SGPL1: variants seen among roughly 807,000 people sequenced by gnomAD.
The protein encoded by SGPL1 is sphingosine-1-phosphate lyase 1, also known as SP-lyase 1.
SGPL1 carries 37 observed loss-of-function variants against 68.9 expected under a neutral mutation model. The ratio of observed to expected loss-of-function variants is 0.54; its 90% CI spans 0.41 to 0.71. The LOEUF (loss-of-function observed/expected upper bound fraction) is 0.71. SGPL1 is among the 30% of genes least tolerant of loss of function. The pLI, the probability that SGPL1 is intolerant of heterozygous loss-of-function variation, is 0.00. For synonymous variants in SGPL1, 236 were observed against 248.5 expected, an observed-to-expected ratio of 0.95 and a Z score of 0.47; for missense variants, 551 against 704.6, an observed-to-expected ratio of 0.78 and a Z score of 2.47.
intron 2 of SGPL1, among the ~76,000 whole-genome samples, chr10:70,821,057 A>C (rs1363006484): frequency 1.3e-5 from 2 of 152,178 alleles, no homozygotes; most frequent in East Asian, 3.9e-4. Flanking sequence ...ATCAGCCCTC[A>C]GTGTGTTCCT....
chr10:70,875,200 G>T (rs951423175), intron 12 of SGPL1, among the ~76,000 whole-genome samples: 6 of 152,136 alleles, frequency 3.9e-5, no homozygotes, highest in Admixed American at 3.9e-4. Flanking sequence ...CATTTTTATT[G>T]TTCCATCTAT....
At chr10:70,863,405 A>T (rs36106695) in intron 7 of SGPL1, among the ~76,000 whole-genome samples, 18,047 of 149,944 alleles carry the variant, frequency 0.12, 1,341 homozygotes, top group Non-Finnish European at 0.17. Flanking sequence ...TCTGTGTCTG[A>T]TAATTCCAAT....
chr10:70,833,737 G>A (rs1462731538), intron 2 of SGPL1, among the ~76,000 whole-genome samples: 1 of 152,050 alleles, frequency 6.6e-6, no homozygotes, highest in East Asian at 1.9e-4. Flanking sequence ...CACTCCCTAG[G>A]CTGAGGCTTA....
intron 14 of SGPL1, 149 bp downstream of exon 14, chr10:70,876,810 C>T: frequency 1.4e-6 from 1 of 730,266 alleles, no homozygotes; most frequent in Non-Finnish European, 2.3e-6. Context: ...ATGATCTCTG[C>T]ATCACCCACC....
At chr10:70,818,182 A>G (rs1444244897) in intron 2 of SGPL1, among the ~76,000 whole-genome samples, 3 of 152,170 alleles carry the variant, frequency 2.0e-5, no homozygotes, top group African/African-American at 7.2e-5. Context: ...GTGCAATGGC[A>G]CAATCTCAGC....
chr10:70,850,235 AC>A (rs1845857582), intron 3 of SGPL1, among the ~76,000 whole-genome samples: 1 of 151,840 alleles, frequency 6.6e-6, no homozygotes, highest in Admixed American at 6.6e-5. Context: ...GGCTGGTCTC[AC>A]CCTCCTGTGC....
Position 70,871,983 on chromosome 10 carries a change from T to A in SGPL1, c.1056T>A (p.His352Gln). ...KGVTSISADT[H>Q]KYGYAPKGSS... ...TAACCAGCATTTCAGCTGACACCCA[T>A]AAGGTGAGCTAAGGAGGAGATCAAG... Residue 352 changes from histidine (H) to glutamine (Q), a missense_variant, in exon 11 of 15, where the codon CAT (histidine) becomes CAA (glutamine). Transcript: ENST00000373202. 6.2e-7 allele frequency: 1 copy of A among 1,613,550 alleles called. No homozygotes were observed. Among genetic ancestry groups the A allele is most frequent in the Non-Finnish European group, 8.5e-7 (1 of 1,179,844 alleles).
At chr10:70,874,696 C>CT (rs1436616095) in intron 12 of SGPL1, among the ~76,000 whole-genome samples, 1 of 152,004 alleles carries the variant, frequency 6.6e-6, no homozygotes, top group African/African-American at 2.4e-5. Flanking sequence ...GCACTCAAGC[C>CT]TGGGCAACAA....
chr10:70,827,126 C>T (rs563918106), intron 2 of SGPL1, among the ~76,000 whole-genome samples: 1 of 152,318 alleles, frequency 6.6e-6, no homozygotes, highest in African/African-American at 2.4e-5. Context: ...GAGGCCAATA[C>T]AATTTATACC....
intron 2 of SGPL1, among the ~76,000 whole-genome samples, chr10:70,824,116 G>A (rs1198932557): frequency 6.6e-6 from 1 of 152,008 alleles, no homozygotes; most frequent in African/African-American, 2.4e-5. Flanking sequence ...CATAATCATC[G>A]AACATTTGAA....
At chr10:70,823,568 A>T (rs1404036328) in intron 2 of SGPL1, among the ~76,000 whole-genome samples, 1 of 147,662 alleles carries the variant, frequency 6.8e-6, no homozygotes, top group African/African-American at 2.5e-5. Flanking sequence ...ATATTGAAAA[A>T]AAAAAAAAAA....
chr10:70,863,798 C>G (rs991691142), intron 7 of SGPL1, among the ~76,000 whole-genome samples: 1 of 152,136 alleles, frequency 6.6e-6, no homozygotes, highest in East Asian at 1.9e-4. Flanking sequence ...TTTCTTTTCT[C>G]TTTTGCAGTA....
chr10:70,848,041 A>G (rs570312301), intron 3 of SGPL1, among the ~76,000 whole-genome samples: 1 of 152,296 alleles, frequency 6.6e-6, no homozygotes, highest in Admixed American at 6.5e-5. Context: ...CTCACAGTTT[A>G]TTACTTTTAC....
rs186718161 is a variant in SGPL1, at chr10:70,842,912, C to T, written c.28-1561C>T. On this transcript the variant is annotated intron_variant, in intron 2 of 14. Coordinates refer to ENST00000373202, the MANE Select transcript of SGPL1 (RefSeq NM_003901.4). ...TTTGTATTCAGTATAAATTGTGTGCCGGGCACTCTGCCACATGTTGGGGAT... is the reference window on the plus strand; with the variant it reads ...TTTGTATTCAGTATAAATTGTGTGCTGGGCACTCTGCCACATGTTGGGGAT... Among the ~76,000 whole-genome samples, 13 of 151,598 alleles carry T rather than the reference C, an allele frequency of 8.6e-5. No individual in the cohort carries two copies. In the South Asian group the frequency reaches 1.2e-3, roughly 15 times the overall value.
At chr10:70,856,826 C>G (rs1845972364) in intron 5 of SGPL1, among the ~76,000 whole-genome samples, 1 of 152,138 alleles carries the variant, frequency 6.6e-6, no homozygotes, top group African/African-American at 2.4e-5. Flanking sequence ...CATTGTAGCA[C>G]AAGGACCTGA....
intron 7 of SGPL1, among the ~76,000 whole-genome samples, chr10:70,865,762 A>G (rs945620908): frequency 8.5e-5 from 13 of 152,238 alleles, no homozygotes; most frequent in Non-Finnish European, 1.9e-4. Flanking sequence ...CTCAGTTACA[A>G]TGATAGAGGT....
intron 7 of SGPL1, among the ~76,000 whole-genome samples, chr10:70,866,981 C>T (rs1846203104): frequency 6.6e-6 from 1 of 152,124 alleles, no homozygotes; most frequent in South Asian, 2.1e-4. Context: ...AATATGAAAA[C>T]GTAGAAAGTT....
chr10:70,868,780 T>A (rs1846240261), intron 8 of SGPL1, among the ~76,000 whole-genome samples: 1 of 152,138 alleles, frequency 6.6e-6, no homozygotes, highest in African/African-American at 2.4e-5. Flanking sequence ...TAAAGAAACC[T>A]CTCTAGGTAC....
chr10:70,864,518 T>C (rs1260568856), intron 7 of SGPL1, among the ~76,000 whole-genome samples: 1 of 152,206 alleles, frequency 6.6e-6, no homozygotes, highest in East Asian at 1.9e-4. Flanking sequence ...CTGGCTTTGT[T>C]TTTTTAGGTC....
Sources: allele counts gnomAD v4.1 joint callset (sites outside exome capture counted in the v4.1 genomes callset), GRCh38; gene constraint gnomAD v4.1.1; transcripts MANE v1.5; gene names NCBI Gene and HGNC (gene_info 2026-07-23, HGNC 2026-07-21).